PDZRN4: variants seen among roughly 807,000 people sequenced by gnomAD.
PDZRN4 encodes PDZ domain-containing RING finger protein 4.
Under a neutral mutation model 99.0 loss-of-function variants are expected in PDZRN4, and 70 were observed. The observed-to-expected ratio is 0.71, with a 90% CI of 0.58 to 0.86. PDZRN4 has a LOEUF of 0.86. Ranked by LOEUF, PDZRN4 falls within the 40% of genes least tolerant of loss-of-function variation. PDZRN4 has a pLI of 0.00. For synonymous variants in PDZRN4, 551 were observed against 501.6 expected, an observed-to-expected ratio of 1.10 and a Z score of -1.32; for missense variants, 1,474 against 1,331.2, an observed-to-expected ratio of 1.11 and a Z score of -1.67.
Position 41,572,946 on chromosome 12 carries a change from G to T in PDZRN4, c.2167G>T (p.Asp723Tyr), listed in dbSNP as rs752534927. 1 of 1,613,986 alleles carries T rather than the reference G, an allele frequency of 6.2e-7. No individual in the cohort carries two copies. The highest frequency in any genetic ancestry group is 1.7e-5 in the Admixed American group (1 of 60,000). Reference protein sequence around the residue: ...SIDMQRGKLDDIMEHPEKSDK... With the variant: ...SIDMQRGKLDYIMEHPEKSDK... ...AGATATGCAAAGGGGAAAGCTAGAT[G>T]ACATCATGGAGCATCCAGAAAAGTC... The change falls in exon 10 of 10, where the codon GAC (aspartate) becomes TAC (tyrosine). Residue 723 changes from aspartate to tyrosine, a missense_variant. Transcript: ENST00000402685.
chr12:41,213,184 G>T (rs1950898846), intron 3 of PDZRN4, among the ~76,000 whole-genome samples: 1 of 151,936 alleles, frequency 6.6e-6, no homozygotes, highest in Non-Finnish European at 1.5e-5. Flanking sequence ...TATTTAAGCA[G>T]GGAAGTGACA....
chr12:41,198,212 C>T (rs149799085), intron 3 of PDZRN4, among the ~76,000 whole-genome samples: 1 of 152,196 alleles, frequency 6.6e-6, no homozygotes, highest in East Asian at 1.9e-4. Flanking sequence ...GCCATAGTGC[C>T]CAGTCTCCTC....
chr12:41,312,308 CAA>C (rs1355592340), intron 3 of PDZRN4, among the ~76,000 whole-genome samples: 2 of 150,914 alleles, frequency 1.3e-5, no homozygotes, highest in African/African-American at 4.9e-5. Context: ...TTCTCTATAG[CAA>C]AAAGAGACTT....
intron 3 of PDZRN4, among the ~76,000 whole-genome samples, chr12:41,261,183 T>C (rs1951236983): frequency 6.6e-6 from 1 of 152,178 alleles, no homozygotes; most frequent in Non-Finnish European, 1.5e-5. Flanking sequence ...TTTCTCATCC[T>C]AATTTGTATC....
chr12:41,481,597 A>G (rs1318691843), intron 3 of PDZRN4, among the ~76,000 whole-genome samples: 1 of 152,142 alleles, frequency 6.6e-6, no homozygotes. Context: ...TTTCCATTTG[A>G]AAACATGTTC....
At chr12:41,337,019 G>A (rs1048930917) in intron 3 of PDZRN4, among the ~76,000 whole-genome samples, 1 of 152,104 alleles carries the variant, frequency 6.6e-6, no homozygotes, top group South Asian at 2.1e-4. Context: ...TAATCTTGTA[G>A]CTAAACTGTT....
intron 3 of PDZRN4, among the ~76,000 whole-genome samples, chr12:41,483,456 G>A (rs748484599): frequency 2.0e-5 from 3 of 152,152 alleles, no homozygotes; most frequent in Non-Finnish European, 4.4e-5. Context: ...TCAGGAAGCA[G>A]AAAAGAGACA....
intron 3 of PDZRN4, among the ~76,000 whole-genome samples, chr12:41,288,737 A>G (rs1387553897): frequency 6.6e-6 from 1 of 152,168 alleles, no homozygotes; most frequent in African/African-American, 2.4e-5. Context: ...TCGGTTCACC[A>G]TGACCTCATT....
chr12:41,325,537 A>G (rs1200812923), intron 3 of PDZRN4, among the ~76,000 whole-genome samples: 1 of 152,176 alleles, frequency 6.6e-6, no homozygotes, highest in Non-Finnish European at 1.5e-5. Flanking sequence ...TGGAAACTCA[A>G]CAAACTCAAG....
At chr12:41,385,347 A>G (rs528506192) in intron 3 of PDZRN4, among the ~76,000 whole-genome samples, 76 of 152,300 alleles carry the variant, frequency 5.0e-4, no homozygotes, top group African/African-American at 1.8e-3. Context: ...AGGAACAGCC[A>G]AAGCGAAGTA....
chr12:41,571,584 A>T (rs533954348), intron 9 of PDZRN4, among the ~76,000 whole-genome samples: 1 of 152,128 alleles, frequency 6.6e-6, no homozygotes, highest in South Asian at 2.1e-4. Flanking sequence ...GAGTAGAAAA[A>T]TCTTATACAA....
At chr12:41,531,670 A>G (rs1305840692) in intron 5 of PDZRN4, among the ~76,000 whole-genome samples, 2 of 152,008 alleles carry the variant, frequency 1.3e-5, no homozygotes, top group East Asian at 3.9e-4. Flanking sequence ...TCCCTTCCCC[A>G]CTTCCTTATC....
chr12:41,211,993 A>ATATTT (rs1387617790), intron 3 of PDZRN4, among the ~76,000 whole-genome samples: 4 of 151,874 alleles, frequency 2.6e-5, no homozygotes, highest in African/African-American at 9.7e-5. Context: ...CTCCCTTTGC[A>ATATTT]TATTTTATTT....
At chr12:41,463,962 C>T (rs966161680) in intron 3 of PDZRN4, among the ~76,000 whole-genome samples, 1 of 152,118 alleles carries the variant, frequency 6.6e-6, no homozygotes, top group Non-Finnish European at 1.5e-5. Flanking sequence ...AGCCAGCTTA[C>T]CCCCACAGGA....
At chr12:41,479,054 T>C (rs1937634021) in intron 3 of PDZRN4, among the ~76,000 whole-genome samples, 1 of 152,230 alleles carries the variant, frequency 6.6e-6, no homozygotes, top group Non-Finnish European at 1.5e-5. Flanking sequence ...AAGTAAGTTT[T>C]TTTTCTTGTT....
intron 3 of PDZRN4, among the ~76,000 whole-genome samples, chr12:41,259,258 G>C (rs1222375100): frequency 6.6e-6 from 1 of 151,860 alleles, no homozygotes; most frequent in Non-Finnish European, 1.5e-5. Flanking sequence ...AGACAGAGTG[G>C]AAAGGGAAAG....
intron 3 of PDZRN4, among the ~76,000 whole-genome samples, chr12:41,374,423 G>T (rs944466952): frequency 3.3e-5 from 5 of 152,050 alleles, no homozygotes; most frequent in African/African-American, 1.2e-4. Flanking sequence ...AATGTTAGTG[G>T]GGCTGGGGGC....
chr12:41,477,773 A>G (rs1937616958), intron 3 of PDZRN4: 1 of 751,606 alleles, frequency 1.3e-6, no homozygotes, highest in Non-Finnish European at 2.3e-6. Context: ...TAAACATGAC[A>G]TTATGAAAAG....
intron 3 of PDZRN4, among the ~76,000 whole-genome samples, chr12:41,237,578 T>G (rs913554876): frequency 1.3e-5 from 2 of 152,194 alleles, no homozygotes; most frequent in Non-Finnish European, 2.9e-5. Context: ...CTAGATTTTC[T>G]TCTAGGATTT....
Sources: allele counts gnomAD v4.1 joint callset (sites outside exome capture counted in the v4.1 genomes callset), GRCh38; gene constraint gnomAD v4.1.1; transcripts MANE v1.5; gene names NCBI Gene and HGNC (gene_info 2026-07-23, HGNC 2026-07-21).